The following DGKH variants were observed in gnomAD, a reference collection of about 807,000 sequenced individuals.
The protein encoded by DGKH is DAG kinase eta.
Under a neutral mutation model 159.3 loss-of-function variants are expected in DGKH, and 90 were observed. That is an observed-to-expected ratio of 0.57 (90% CI 0.48 to 0.67). The LOEUF (loss-of-function observed/expected upper bound fraction) is 0.67. DGKH is among the 30% of genes least tolerant of loss of function. The pLI is 0.00. For missense variants in DGKH, 1,181 were observed against 1,506.1 expected (o/e 0.78, Z 3.57); for synonymous variants, 536 against 553.8 (o/e 0.97, Z 0.45).
chr13:42,127,484 C>A lies in DGKH; in HGVS notation c.214C>A (p.Leu72Ile). 6.2e-7 allele frequency: 1 copy of A among 1,613,626 alleles called. No individual in the cohort carries two copies. The highest frequency in any genetic ancestry group is 8.5e-7 in the Non-Finnish European group (1 of 1,179,648). The change falls in exon 2 of 30, where the codon CTA (leucine) becomes ATA (isoleucine). Residue 72 changes from leucine (L) to isoleucine (I), a missense_variant. Physicochemically the swap from Leu to Ile is conservative, Grantham distance 5. Transcript: ENST00000337343. ...CTAGACCAGTATTAAAGAGGGACAG[C>A]TATTGAAGCAAACCAGTTCTTTCCA... The part of the protein sequence containing the change: ...RTKTSIKEGQ[L>I]LKQTSSFQRW...
At chr13:42,213,588 T>C (rs762345798) in intron 24 of DGKH, among the ~76,000 whole-genome samples, 2 of 152,194 alleles carry the variant, frequency 1.3e-5, no homozygotes, top group Non-Finnish European at 2.9e-5. Flanking sequence ...GAGGTGACAT[T>C]TGCAAGCTTC....
intron 3 of DGKH, among the ~76,000 whole-genome samples, chr13:42,143,134 T>G (rs1955616499): frequency 6.6e-6 from 1 of 152,214 alleles, no homozygotes; most frequent in Admixed American, 6.5e-5. Context: ...TCAAAGGCCT[T>G]TTCTGCATCT....
At chr13:42,089,559 A>G (rs145899900) in intron 1 of DGKH, among the ~76,000 whole-genome samples, 4 of 152,292 alleles carry the variant, frequency 2.6e-5, no homozygotes, top group Admixed American at 6.5e-5. Flanking sequence ...TGCCTTCTCC[A>G]AGTGCTAGAG....
intron 1 of DGKH, among the ~76,000 whole-genome samples, chr13:42,077,601 C>G (rs1566089109): frequency 6.6e-6 from 1 of 152,210 alleles, no homozygotes; most frequent in Non-Finnish European, 1.5e-5. Context: ...ATAACTTTTA[C>G]TATGCTTGGC....
rs1454011558 is a variant in DGKH, at chr13:42,239,234, A to C, written c.*10046A>C. 15 of 152,340 alleles carry C rather than the reference A, an allele frequency of 9.8e-5. No individual in the cohort carries two copies. The highest frequency in any genetic ancestry group is 2.1e-4 in the Non-Finnish European group (14 of 68,000). The allele number at this position is 152,340 out of a possible 1,614,324, so 9.4% of individuals were successfully genotyped here. ...GATTATAATTGCGCAGCATTTTAAAAAAATATACATAATTATGAGGATGAG... is the reference window on the plus strand; with the variant it reads ...GATTATAATTGCGCAGCATTTTAAACAAATATACATAATTATGAGGATGAG... On this transcript the variant is annotated 3_prime_UTR_variant, in exon 30 of 30. Transcript: ENST00000337343.
At chr13:42,189,693 G>T (rs1386630009) in intron 15 of DGKH, among the ~76,000 whole-genome samples, 4 of 152,036 alleles carry the variant, frequency 2.6e-5, no homozygotes, top group South Asian at 2.1e-4. Context: ...TTGAGAAAGG[G>T]TCTCACTCTG....
chr13:42,041,642 C>T (rs1880514148), intron 1 of DGKH, among the ~76,000 whole-genome samples: 1 of 152,182 alleles, frequency 6.6e-6, no homozygotes, highest in Admixed American at 6.5e-5. Flanking sequence ...TTCTCTCTTC[C>T]GATTCAAACA....
intron 9 of DGKH, 61 bp downstream of exon 9, chr13:42,166,735 T>C: frequency 7.3e-7 from 1 of 1,362,828 alleles, no homozygotes; most frequent in South Asian, 2.1e-5. Flanking sequence ...TAAATGTGTT[T>C]GGTTTTTCAG....
chr13:42,172,428 A>G (rs1359304651), intron 11 of DGKH, among the ~76,000 whole-genome samples: 2 of 152,204 alleles, frequency 1.3e-5, no homozygotes, highest in African/African-American at 2.4e-5. Context: ...AATAGTAGCT[A>G]AAAGTAACTA....
intron 28 of DGKH, among the ~76,000 whole-genome samples, chr13:42,220,399 A>G (rs1490838494): frequency 6.6e-6 from 1 of 152,132 alleles, no homozygotes; most frequent in Non-Finnish European, 1.5e-5. Context: ...TTCCTTTTTC[A>G]CCTTTCCTTA....
intron 1 of DGKH, among the ~76,000 whole-genome samples, chr13:42,108,951 C>A (rs1479030182): frequency 1.3e-5 from 2 of 152,038 alleles, no homozygotes; most frequent in Non-Finnish European, 2.9e-5. Context: ...GGGACATAAT[C>A]AAGAGGTGGA....
intron 1 of DGKH, chr13:42,070,338 T>C (rs1292735242): frequency 3.6e-6 from 5 of 1,406,062 alleles, no homozygotes; most frequent in Non-Finnish European, 4.0e-6. Context: ...CTTCCTCATG[T>C]GCAACAGGAA....
chr13:42,106,764 C>G (rs1171281296), intron 1 of DGKH, among the ~76,000 whole-genome samples: 4 of 152,110 alleles, frequency 2.6e-5, no homozygotes, highest in African/African-American at 7.2e-5. Context: ...AAAAAAGAGG[C>G]TGGGCGCGGT....
At chr13:42,084,763 A>C (rs1954270950) in intron 1 of DGKH, among the ~76,000 whole-genome samples, 1 of 151,570 alleles carries the variant, frequency 6.6e-6, no homozygotes, top group Non-Finnish European at 1.5e-5. Flanking sequence ...TACCCTTAAT[A>C]ATTTGGGTTG....
downstream of DGKH, chr13:42,242,989 A>G (rs537956413): frequency 6.6e-6 from 1 of 152,308 alleles, no homozygotes; most frequent in South Asian, 2.1e-4. Context: ...AGTTGTAAAA[A>G]ATAATGCAGA....
intron 1 of DGKH, chr13:42,069,067 A>G (rs1882782819): frequency 3.0e-5 from 43 of 1,419,280 alleles, no homozygotes; most frequent in South Asian, 3.0e-4. Flanking sequence ...CGGGATGCCT[A>G]TTGGGCTCGA....
intron 1 of DGKH, among the ~76,000 whole-genome samples, chr13:42,104,944 A>G (rs995678970): frequency 1.3e-5 from 2 of 152,154 alleles, no homozygotes; most frequent in African/African-American, 4.8e-5. Context: ...AAGTTCCAAA[A>G]TGCTTTTTAT....
At chr13:42,177,306 T>C (rs1956630341) in intron 12 of DGKH, among the ~76,000 whole-genome samples, 1 of 152,216 alleles carries the variant, frequency 6.6e-6, no homozygotes, top group African/African-American at 2.4e-5. Flanking sequence ...TGTTTCTGGA[T>C]TCTTTCACTC....
rs1376411644 is a variant in DGKH at position 42,171,940 on chromosome 13, C to G, written c.1368-2120C>G. On this transcript the variant is annotated intron_variant, in intron 11 of 29. Coordinates refer to ENST00000337343, the MANE Select transcript of DGKH (RefSeq NM_178009.5). Reference sequence around the variant, plus strand: ...CGCCTCCCAGGTTCACGCCATTCTCCTGCCTCAGCCTCCCAAGTAGCTGGG... The same window carrying G: ...CGCCTCCCAGGTTCACGCCATTCTCGTGCCTCAGCCTCCCAAGTAGCTGGG... Among the ~76,000 whole-genome samples, 4 of 151,228 alleles carry G rather than the reference C, an allele frequency of 2.6e-5. No individual in the cohort carries two copies. In the East Asian group the frequency reaches 7.8e-4, roughly 29 times the overall value.
Sources: gnomAD v4.1 joint callset for allele counts (sites outside exome capture counted in the v4.1 genomes callset) on GRCh38, gnomAD v4.1.1 for gene constraint, MANE v1.5 for transcripts, NCBI Gene and HGNC (gene_info 2026-07-23, HGNC 2026-07-21) for gene names.